Variants in PCDHA10 observed in about 807,000 individuals in gnomAD.
The protein encoded by PCDHA10 is protocadherin alpha-10.
In PCDHA10, 45 loss-of-function variants were observed where a neutral mutation model predicts 61.2. The ratio of observed to expected loss-of-function variants is 0.74; its 90% confidence interval spans 0.58 to 0.94. PCDHA10 has a LOEUF of 0.94. PCDHA10 is among the 40% of genes least tolerant of loss of function. The pLI, the probability that PCDHA10 is intolerant of heterozygous loss-of-function variation, is 0.00. For synonymous variants in PCDHA10, 602 were observed against 548.8 expected (o/e 1.10, Z -1.35); for missense variants, 1,278 against 1,236.2 (o/e 1.03, Z -0.51).
intron 1 of PCDHA10, chr5:140,859,840 A>G (rs989673306): frequency 6.6e-6 from 1 of 152,134 alleles, no homozygotes; most frequent in South Asian, 2.1e-4. Flanking sequence ...TTGTTATTTT[A>G]TCAAATAGGT....
chr5:140,980,259 G>T (rs1200649581), intron 2 of PCDHA10, among the ~76,000 whole-genome samples: 1 of 152,192 alleles, frequency 6.6e-6, no homozygotes. Flanking sequence ...TAAAAGCATG[G>T]TTTACAGTAC....
At chr5:140,875,790 G>A (rs376091049) in intron 1 of PCDHA10, 1 of 1,614,214 alleles carries the variant, frequency 6.2e-7, no homozygotes, top group Non-Finnish European at 8.5e-7. Flanking sequence ...GTATCCACCT[G>A]GAGGTGATCG....
At chr5:140,999,004 A>T (rs2097842745) in intron 3 of PCDHA10, among the ~76,000 whole-genome samples, 1 of 152,258 alleles carries the variant, frequency 6.6e-6, no homozygotes, top group South Asian at 2.1e-4. Flanking sequence ...GCTGGAGCTG[A>T]GATTTGAACC....
intron 1 of PCDHA10, among the ~76,000 whole-genome samples, chr5:140,923,822 T>C (rs1377526546): frequency 6.6e-6 from 1 of 152,156 alleles, no homozygotes; most frequent in Non-Finnish European, 1.5e-5. Flanking sequence ...AAAATAGACG[T>C]CAGTGGCAGT....
chr5:140,988,268 G>A (rs1463795699), intron 3 of PCDHA10, among the ~76,000 whole-genome samples: 3 of 152,160 alleles, frequency 2.0e-5, no homozygotes, highest in Non-Finnish European at 4.4e-5. Context: ...AGTATCCTTC[G>A]CTGTCACCTG....
chr5:140,884,456 G>A lies in PCDHA10; in HGVS notation c.2388+26020G>A, dbSNP rs1460569799. 2.5e-6 allele frequency: 4 copies of A among 1,613,650 alleles called. No individual in the cohort carries two copies. In the African/African-American group the frequency reaches 5.3e-5, roughly 22 times the overall value. The stretch of plus-strand genomic sequence containing the variant: ...GCGGTGCTCGGCACCGCCCACCGAG[G>A]GCGCGTGCGCGCCGGGCAAGCCCAC... On this transcript the variant is annotated intron_variant, in intron 1 of 3. Coordinates refer to ENST00000307360, the MANE Select transcript of PCDHA10 (RefSeq NM_018901.4).
chr5:140,909,070 C>T (rs2074299054), intron 1 of PCDHA10, among the ~76,000 whole-genome samples: 1 of 152,146 alleles, frequency 6.6e-6, no homozygotes, highest in Non-Finnish European at 1.5e-5. Flanking sequence ...CACCAATAAG[C>T]CCAGTGTGTT....
chr5:140,984,666 G>T (rs769681431), intron 3 of PCDHA10, among the ~76,000 whole-genome samples: 115 of 152,058 alleles, frequency 7.6e-4, no homozygotes, highest in Admixed American at 1.2e-3. Flanking sequence ...GTACTTTTAG[G>T]TTTTTAGGAC....
At chr5:140,949,336 A>G (rs1585327315) in intron 1 of PCDHA10, among the ~76,000 whole-genome samples, 1 of 151,920 alleles carries the variant, frequency 6.6e-6, no homozygotes, top group South Asian at 2.1e-4. Context: ...ATTGTTATCC[A>G]GATTTTCTGT....
At position 140,856,020 on chromosome 5, in the gene PCDHA10, G is replaced by A. The variant is rs782082828; in HGVS notation, c.-29G>A. 2 of 1,553,262 alleles carry A rather than the reference G, an allele frequency of 1.3e-6. No homozygotes were observed. The highest frequency in any genetic ancestry group is 1.4e-5 in the African/African-American group (1 of 73,062). On this transcript the variant is annotated 5_prime_UTR_variant, in exon 1 of 4. Coordinates refer to ENST00000307360, the MANE Select transcript of PCDHA10 (RefSeq NM_018901.4). ...TATGTGCGTTCTAGACCGCTGATTC[G>A]TCGATTTGTAAAACAAGAGAAGGAT...
intron 1 of PCDHA10, chr5:140,870,864 C>A (rs782241816): frequency 5.6e-6 from 9 of 1,613,934 alleles, no homozygotes; most frequent in Non-Finnish European, 7.6e-6. Context: ...TGGGTGCGGG[C>A]CACGTGGTGG....
At chr5:140,868,066 G>A (rs2050262102) in intron 1 of PCDHA10, 1 of 151,806 alleles carries the variant, frequency 6.6e-6, no homozygotes. Context: ...AGATGTTCAG[G>A]GTGATTTTAT....
chr5:140,904,584 A>T (rs1434719463), intron 1 of PCDHA10, among the ~76,000 whole-genome samples: 1 of 152,088 alleles, frequency 6.6e-6, no homozygotes, highest in African/African-American at 2.4e-5. Context: ...GACACCCAGT[A>T]GTGGGACTGC....
At chr5:140,940,873 A>G (rs541083185) in intron 1 of PCDHA10, among the ~76,000 whole-genome samples, 10 of 152,352 alleles carry the variant, frequency 6.6e-5, no homozygotes, top group African/African-American at 2.4e-4. Context: ...CAGTGAGTGA[A>G]TACTACTGCT....
chr5:140,954,992 G>A (rs1017301016), intron 1 of PCDHA10, among the ~76,000 whole-genome samples: 1 of 152,094 alleles, frequency 6.6e-6, no homozygotes, highest in Non-Finnish European at 1.5e-5. Flanking sequence ...TTCTGCATAT[G>A]GCTAGCCAAT....
Position 141,009,697 on chromosome 5 carries a change from C to T in PCDHA10, c.2607C>T (p.Tyr869=), listed in dbSNP as rs1554262284. ...ACAGCAACAGCTGGACCTTTAAATA[C>T]GGACCAGGCAACCCCAAACAATCCG... ...GVNSNSWTFK[Y]GPGNPKQSGP... The change falls in exon 4 of 4, where the codon TAC becomes TAT. Residue 869 remains tyrosine (Y), a synonymous_variant. Coordinates refer to ENST00000307360, the MANE Select transcript of PCDHA10 (RefSeq NM_018901.4). 1.1e-5 allele frequency: 17 copies of T among 1,613,952 alleles called. No individual in the cohort carries two copies. The highest frequency in any genetic ancestry group is 1.1e-5 in the South Asian group (1 of 91,066).
At chr5:140,962,358 T>C (rs1167082870) in intron 1 of PCDHA10, among the ~76,000 whole-genome samples, 4 of 152,230 alleles carry the variant, frequency 2.6e-5, no homozygotes, top group Non-Finnish European at 5.9e-5. Context: ...CCCCCAATAC[T>C]GGCTAGTTTG....
intron 1 of PCDHA10, chr5:140,877,906 A>C: frequency 7.0e-7 from 1 of 1,435,008 alleles, no homozygotes; most frequent in Non-Finnish European, 9.2e-7. Flanking sequence ...TTATAACTAC[A>C]TTCTCTCATT....
intron 1 of PCDHA10, among the ~76,000 whole-genome samples, chr5:140,941,214 CCTTTCTTTCTTTCTTT>C (rs60032403): frequency 8.2e-6 from 1 of 122,414 alleles, no homozygotes; most frequent in East Asian, 2.3e-4. Context: ...TTTCTTTCTT[CCTTTCTTTCTTTCTTT>C]CTTTCTTTCT....
Sources: allele counts gnomAD v4.1 joint callset (sites outside exome capture counted in the v4.1 genomes callset), GRCh38; gene constraint gnomAD v4.1.1; transcripts MANE v1.5; gene names NCBI Gene and HGNC (gene_info 2026-07-23, HGNC 2026-07-21).